USP6NL: variants seen among roughly 807,000 people sequenced by gnomAD.
The protein encoded by USP6NL is USP6 N-terminal like.
In USP6NL, 26 loss-of-function variants were observed where a neutral mutation model predicts 61.9. The ratio of observed to expected loss-of-function variants is 0.42; its 90% CI spans 0.31 to 0.58. The LOEUF (loss-of-function observed/expected upper bound fraction) is 0.58. Among genes scored for constraint, USP6NL ranks in the 20% least tolerant of loss-of-function variants. The probability of loss-of-function intolerance (pLI) is 0.16; values close to 1 mark genes in which losing one functional copy is unlikely to be tolerated. For synonymous variants in USP6NL, 432 were observed against 390.1 expected, an observed-to-expected ratio of 1.11 and a Z score of -1.27; for missense variants, 1,114 against 1,034.3, an observed-to-expected ratio of 1.08 and a Z score of -1.06.
chr10:11,528,480 TTACCACATGACA>T lies in USP6NL; in HGVS notation c.5-925_5-914del, dbSNP rs1835514258. On this transcript the variant is annotated intron_variant, in intron 2 of 14. Transcript: ENST00000609104. This position sits in a 1 kb window ranked among gnomAD's most constrained non-coding sequence, Gnocchi z 4.6. Reference sequence around the variant, plus strand: ...GTGCTAATAAGCACTTTACCCTGCCTTACCACATGACACTCTAAGGTAGGCATCATTATGAAT... The same window carrying T: ...GTGCTAATAAGCACTTTACCCTGCCTCTCTAAGGTAGGCATCATTATGAAT... Among the ~76,000 whole-genome samples the T allele has an allele frequency of 1.3e-5, 2 of 152,128 alleles. No individual in the cohort carries two copies.
intron 1 of USP6NL, among the ~76,000 whole-genome samples, chr10:11,604,182 C>T (rs971681051): frequency 2.6e-5 from 4 of 151,986 alleles, no homozygotes; most frequent in Non-Finnish European, 4.4e-5. Flanking sequence ...TTGGTTCACA[C>T]GTTAGTACTG....
rs1838471239 is a variant in USP6NL, at chr10:11,600,190, T to C, written c.-83-2473A>G. ...AATTTCACATCAAATTATATTGGGA[T>C]ATTTCTGCAAAAATTGGCCTTTCAT... On this transcript the variant is annotated intron_variant, in intron 1 of 14. Transcript: ENST00000609104. The surrounding 1 kb of genome is among the most constrained non-coding windows in gnomAD (Gnocchi z 4.1). Among the ~76,000 whole-genome samples, 1 of 152,236 alleles carries C rather than the reference T, an allele frequency of 6.6e-6. No homozygotes were observed. The highest frequency in any genetic ancestry group is 1.5e-5 in the Non-Finnish European group (1 of 68,046).
chr10:11,484,827 G>T lies in USP6NL; in HGVS notation c.925+144C>A. 3 of 584,434 alleles carry T rather than the reference G, an allele frequency of 5.1e-6. No homozygotes were observed. In the South Asian group the frequency reaches 7.9e-5, roughly 15 times the overall value. 36.2% of individuals were successfully genotyped at this position (584,434 alleles called of 1,614,324 possible). On this transcript the variant is annotated intron_variant, in intron 13 of 14. Coordinates refer to ENST00000609104, the MANE Select transcript of USP6NL (RefSeq NM_014688.5). ...AACTTACAAAAGTACATTACCAATT[G>T]ATGATAATTTCTCCACTGATTTTCA...
chr10:11,586,971 G>T (rs1260377904), intron 2 of USP6NL, among the ~76,000 whole-genome samples: 1 of 151,954 alleles, frequency 6.6e-6, no homozygotes, highest in Admixed American at 6.6e-5. Flanking sequence ...CCTTAAAGTG[G>T]TCCTCCCAAC....
At chr10:11,603,460 T>G (rs1412871393) in intron 1 of USP6NL, among the ~76,000 whole-genome samples, 1 of 152,200 alleles carries the variant, frequency 6.6e-6, no homozygotes, top group Non-Finnish European at 1.5e-5. Context: ...AAAGTTAAAA[T>G]GAAGGATACA....
intron 1 of USP6NL, among the ~76,000 whole-genome samples, chr10:11,599,605 G>A (rs1364753455): frequency 6.6e-6 from 1 of 152,056 alleles, no homozygotes; most frequent in Admixed American, 6.5e-5. Flanking sequence ...ACTAAATAAT[G>A]CATGTTTTGG....
In USP6NL at chr10:11,527,529, G is replaced by C; in HGVS notation, c.43C>G (p.Arg15Gly). The change falls in exon 3 of 15, where the codon CGA (arginine) becomes GGA (glycine). Residue 15 changes from arginine (R) to glycine (G), a missense_variant. Coordinates refer to ENST00000609104, the MANE Select transcript of USP6NL (RefSeq NM_014688.5). ...QDVALKLAQE[R>G]AEIVAKYDRG... ...TCATATTTAGCAACTATTTCAGCTCGCTCCTGGGCAAGTTTGAGTGCTACA... is the reference window on the plus strand; with the variant it reads ...TCATATTTAGCAACTATTTCAGCTCCCTCCTGGGCAAGTTTGAGTGCTACA... 1 of 1,608,964 alleles carries C rather than the reference G, an allele frequency of 6.2e-7. No individual in the cohort carries two copies. Among genetic ancestry groups the C allele is most frequent in the Non-Finnish European group, 8.5e-7 (1 of 1,177,552 alleles).
intron 2 of USP6NL, among the ~76,000 whole-genome samples, chr10:11,567,113 C>G (rs191733460): frequency 6.6e-6 from 1 of 152,184 alleles, no homozygotes; most frequent in Non-Finnish European, 1.5e-5. Flanking sequence ...GACCTTGTCT[C>G]GAAAATTTAA....
In USP6NL at chr10:11,482,075, C is replaced by A. The variant is rs1411397013; in HGVS notation, c.926-153G>T. 6.6e-6 allele frequency among the ~76,000 whole-genome samples: 1 copy of A among 152,160 alleles called. No homozygotes were observed. The highest frequency in any genetic ancestry group is 1.5e-5 in the Non-Finnish European group (1 of 68,024). ...TGGCATTGAGGACATCATTAAAACT[C>A]AGTAAGACAAAAATATTGCCTGATA... On this transcript the variant is annotated intron_variant, in intron 13 of 14. Transcript: ENST00000609104. The surrounding 1 kb of genome is among the most constrained non-coding windows in gnomAD (Gnocchi z 4.0).
rs1358939453 is a variant in USP6NL, at chr10:11,602,159, T to TA, written c.-83-4443dup. Among the ~76,000 whole-genome samples the TA allele has an allele frequency of 6.6e-6, 1 of 152,138 alleles. No individual in the cohort carries two copies. The highest frequency in any genetic ancestry group is 1.5e-5 in the Non-Finnish European group (1 of 68,024). ...TCTCATGTACTCATTTAAAATGTCT[T>TA]AAAGAAATTCAATGACAATGAATGA... On this transcript the variant is annotated intron_variant, in intron 1 of 14. Transcript: ENST00000609104. This position sits in a 1 kb window ranked among gnomAD's most constrained non-coding sequence, Gnocchi z 4.8.
rs375447058 is a variant in USP6NL at position 11,513,595 on chromosome 10, T to C, written c.196-3920A>G. Among the ~76,000 whole-genome samples the C allele has an allele frequency of 6.6e-6, 1 of 152,236 alleles. No individual in the cohort carries two copies. The highest frequency in any genetic ancestry group is 1.9e-4 in the East Asian group (1 of 5,204). On this transcript the variant is annotated intron_variant, in intron 5 of 14. Coordinates refer to ENST00000609104, the MANE Select transcript of USP6NL (RefSeq NM_014688.5). The surrounding 1 kb of genome is among the most constrained non-coding windows in gnomAD (Gnocchi z 4.7). ...TTTGCTAGATTTCATTTATACTATTTAGGTTTTTAGGGGGAACTGATCATT... is the reference window on the plus strand; with the variant it reads ...TTTGCTAGATTTCATTTATACTATTCAGGTTTTTAGGGGGAACTGATCATT...
chr10:11,541,480 A>G (rs1419122823), intron 2 of USP6NL, among the ~76,000 whole-genome samples: 2 of 152,008 alleles, frequency 1.3e-5, no homozygotes, highest in Non-Finnish European at 2.9e-5. Context: ...CAAAGATCAC[A>G]CAGTTCTTAA....
intron 2 of USP6NL, among the ~76,000 whole-genome samples, chr10:11,582,957 G>A (rs1215068103): frequency 1.3e-5 from 2 of 148,372 alleles, no homozygotes; most frequent in East Asian, 1.9e-4. Flanking sequence ...GGTACCATGC[G>A]AATTGCTGTT....
intron 2 of USP6NL, among the ~76,000 whole-genome samples, chr10:11,590,516 G>A (rs560187395): frequency 8.1e-4 from 123 of 152,122 alleles, no homozygotes; most frequent in African/African-American, 2.7e-3. Context: ...GTTACTAAGC[G>A]GTGCTTTCCA....
intron 2 of USP6NL, among the ~76,000 whole-genome samples, chr10:11,594,647 C>T (rs189827145): frequency 3.9e-5 from 6 of 152,270 alleles, no homozygotes; most frequent in East Asian, 3.9e-4. Flanking sequence ...CACATTGCTC[C>T]GCCAGCCTGG....
In USP6NL at chr10:11,476,864, A is replaced by C. The variant is rs1832985784; in HGVS notation, c.1078+4906T>G. Among the ~76,000 whole-genome samples, 1 of 151,722 alleles carries C rather than the reference A, an allele frequency of 6.6e-6. No homozygotes were observed. The highest frequency in any genetic ancestry group is 1.5e-5 in the Non-Finnish European group (1 of 67,880). The stretch of plus-strand genomic sequence containing the variant: ...ATGAAATAAATAAATCAAGCATTTG[A>C]CTTTTTTTATTATTATTATTTTTTC... On this transcript the variant is annotated intron_variant, in intron 14 of 14. Coordinates refer to ENST00000609104, the MANE Select transcript of USP6NL (RefSeq NM_014688.5). The surrounding 1 kb of genome is among the most constrained non-coding windows in gnomAD (Gnocchi z 4.3).
chr10:11,479,742 A>C (rs1361304299), intron 14 of USP6NL, among the ~76,000 whole-genome samples: 1 of 151,834 alleles, frequency 6.6e-6, no homozygotes, highest in Non-Finnish European at 1.5e-5. Flanking sequence ...TGCCCGACTA[A>C]TTTGTTGTAT....
At chr10:11,488,235 G>C (rs1456421608) in intron 10 of USP6NL, among the ~76,000 whole-genome samples, 2 of 152,128 alleles carry the variant, frequency 1.3e-5, no homozygotes, top group East Asian at 3.9e-4. Flanking sequence ...AACATAAGGA[G>C]ACCTCATCTC....
intron 2 of USP6NL, among the ~76,000 whole-genome samples, chr10:11,576,032 A>G (rs1409580453): frequency 6.6e-6 from 1 of 152,064 alleles, no homozygotes; most frequent in Non-Finnish European, 1.5e-5. Flanking sequence ...GGATTTCAGG[A>G]TATATACTTC....
Sources: gnomAD v4.1 joint callset for allele counts (sites outside exome capture counted in the v4.1 genomes callset) on GRCh38, gnomAD v4.1.1 for gene constraint, Gnocchi (gnomAD v3.1) non-coding constraint, MANE v1.5 for transcripts, NCBI Gene and HGNC (gene_info 2026-07-23, HGNC 2026-07-21) for gene names.